The following BLNK variants were observed in gnomAD, a reference collection of about 807,000 sequenced individuals.
BLNK encodes the protein B cell linker, also known as B-cell linker protein.
A neutral mutation model predicts 73.5 loss-of-function variants in BLNK; 29 were observed. The observed-to-expected ratio is 0.39, with a 90% CI of 0.29 to 0.54. BLNK has a LOEUF of 0.54. BLNK is among the 20% of genes least tolerant of loss of function. The pLI, the probability that BLNK is intolerant of heterozygous loss-of-function variation, is 0.61. For synonymous variants in BLNK, 176 were observed against 200.8 expected (o/e 0.88, Z 1.04); for missense variants, 460 against 562.8 (o/e 0.82, Z 1.85).
chr10:96,220,427 T>C (rs1324334018), intron 6 of BLNK, among the ~76,000 whole-genome samples: 1 of 152,264 alleles, frequency 6.6e-6, no homozygotes, highest in African/African-American at 2.4e-5. Flanking sequence ...CAACAAATTC[T>C]GTTTGTAGTG....
intron 6 of BLNK, among the ~76,000 whole-genome samples, chr10:96,219,139 A>C (rs966247800): frequency 7.2e-5 from 11 of 152,206 alleles, no homozygotes; most frequent in Non-Finnish European, 1.0e-4. Flanking sequence ...TCAAACTATG[A>C]ACTCCCGAAG....
Position 96,215,440 on chromosome 10 carries a change from C to G in BLNK, c.608-51G>C, listed in dbSNP as rs372039063. On this transcript the variant is annotated intron_variant, in intron 7 of 16. Coordinates refer to ENST00000224337, the MANE Select transcript of BLNK (RefSeq NM_013314.4). The stretch of plus-strand genomic sequence containing the variant: ...ATATATATATATATATACATAAAAC[C>G]ATTACAGATACATGCCATTGAGGAA... 6.5e-4 allele frequency: 970 copies of G among 1,494,312 alleles called. 4 individuals are homozygous for G. The highest frequency in any genetic ancestry group is 3.1e-3 in the Middle Eastern group (13 of 4,224). The allele number at this position is 1,494,312 out of a possible 1,614,324, so 92.6% of individuals were successfully genotyped here.
At chr10:96,269,433 AAC>A (rs1844171042) in intron 1 of BLNK, among the ~76,000 whole-genome samples, 1 of 152,086 alleles carries the variant, frequency 6.6e-6, no homozygotes, top group African/African-American at 2.4e-5. Context: ...AAAAAAAAAA[AAC>A]ATTTGGAATC....
chr10:96,254,893 T>G (rs1376868752), intron 1 of BLNK, among the ~76,000 whole-genome samples: 1 of 152,130 alleles, frequency 6.6e-6, no homozygotes, highest in Non-Finnish European at 1.5e-5. Context: ...GATGAAAAGG[T>G]AGGTTAAAGA....
At chr10:96,209,282 G>C (rs2083892963) in intron 9 of BLNK, among the ~76,000 whole-genome samples, 1 of 152,202 alleles carries the variant, frequency 6.6e-6, no homozygotes, top group Non-Finnish European at 1.5e-5. Flanking sequence ...TCAGGTGCTG[G>C]AGCTTCTGAA....
chr10:96,210,193 G>A (rs2083915086), intron 8 of BLNK: 2 of 442,244 alleles, frequency 4.5e-6, no homozygotes, highest in Non-Finnish European at 8.4e-6. Context: ...CTGCCCCATG[G>A]GGCAAGTCCT....
At chr10:96,256,561 A>T (rs1204239106) in intron 1 of BLNK, among the ~76,000 whole-genome samples, 5 of 152,078 alleles carry the variant, frequency 3.3e-5, no homozygotes, top group African/African-American at 1.2e-4. Flanking sequence ...CAGCTATATG[A>T]TAGAAAATTG....
At position 96,247,028 on chromosome 10, in the gene BLNK, A is replaced by G. The variant is rs782120526; in HGVS notation, c.69T>C (p.His23=). The part of the protein sequence containing the change: ...QKLRQLQKMV[H]DIKNNEGGIM... ...TTCCACCTTCATTGTTTTTAATATC[A>G]TGGACCATCTTTTGAAGCTGCCTGT... Residue 23 remains histidine, a synonymous_variant, in exon 2 of 17, where the codon CAT becomes CAC. Coordinates refer to ENST00000224337, the MANE Select transcript of BLNK (RefSeq NM_013314.4). 5.6e-6 allele frequency: 9 copies of G among 1,606,108 alleles called. No homozygotes were observed. The highest frequency in any genetic ancestry group is 4.5e-5 in the East Asian group (2 of 44,734).
intron 1 of BLNK, among the ~76,000 whole-genome samples, chr10:96,267,132 A>C (rs781816673): frequency 2.7e-4 from 41 of 152,224 alleles, no homozygotes; most frequent in Non-Finnish European, 2.9e-4. Context: ...GTAGCCTTTG[A>C]GAATGTAACA....
chr10:96,206,898 TGA>T, intron 11 of BLNK, 111 bp downstream of exon 11: 1 of 1,151,884 alleles, frequency 8.7e-7, no homozygotes, highest in Non-Finnish European at 1.3e-6. Flanking sequence ...TTTAGAAAAT[TGA>T]GTTTCATGTT....
At chr10:96,204,423 G>T in intron 12 of BLNK, 109 bp downstream of exon 12, 2 of 1,248,316 alleles carry the variant, frequency 1.6e-6, no homozygotes, top group Non-Finnish European at 2.4e-6. Context: ...ATGAAATGTT[G>T]GATTTTTACC....
intron 2 of BLNK, among the ~76,000 whole-genome samples, chr10:96,246,567 AC>A (rs1843053635): frequency 6.6e-6 from 1 of 152,234 alleles, no homozygotes; most frequent in East Asian, 1.9e-4. Context: ...AAACAAAAAA[AC>A]AAAATCAAAA....
chr10:96,269,832 C>A (rs1844192783), intron 1 of BLNK, among the ~76,000 whole-genome samples: 1 of 152,128 alleles, frequency 6.6e-6, no homozygotes, highest in Non-Finnish European at 1.5e-5. Context: ...CCTCACTATC[C>A]CACAAATGGA....
At chr10:96,203,946 C>A (rs1463919010) in intron 13 of BLNK, 111 bp downstream of exon 13, 5 of 819,646 alleles carry the variant, frequency 6.1e-6, no homozygotes, top group Non-Finnish European at 1.0e-5. Context: ...GAGAAGATGC[C>A]AGGATAACGC....
intron 1 of BLNK, among the ~76,000 whole-genome samples, chr10:96,255,860 G>A (rs782091535): frequency 6.6e-6 from 1 of 152,130 alleles, no homozygotes; most frequent in Non-Finnish European, 1.5e-5. Context: ...GGATTTCAAC[G>A]ATCACTCCTT....
intron 8 of BLNK, among the ~76,000 whole-genome samples, chr10:96,214,184 G>A (rs1379234994): frequency 6.6e-6 from 1 of 152,156 alleles, no homozygotes; most frequent in Non-Finnish European, 1.5e-5. Flanking sequence ...CTAGGGGAGA[G>A]GGACAAGGGG....
At chr10:96,221,717 G>A (rs2084200795) in intron 6 of BLNK, among the ~76,000 whole-genome samples, 1 of 152,192 alleles carries the variant, frequency 6.6e-6, no homozygotes, top group Non-Finnish European at 1.5e-5. Context: ...ATTGCCAAAT[G>A]CTGAAATAAT....
rs587670976 is a variant in BLNK at position 96,237,240 on chromosome 10, A to G, written c.163+5495T>C. ...GAGCACCAGGCCCATGACAAAAGCA[A>G]TGTTAAATCTCACTTCTTTAGTGGA... On this transcript the variant is annotated intron_variant, in intron 3 of 16. Transcript: ENST00000224337. Among the ~76,000 whole-genome samples the G allele has an allele frequency of 5.3e-5, 8 of 152,340 alleles. No homozygotes were observed. The South Asian group carries it at 1.7e-3, about 32-fold the overall frequency.
At chr10:96,266,826 C>G (rs1471077127) in intron 1 of BLNK, among the ~76,000 whole-genome samples, 4 of 152,204 alleles carry the variant, frequency 2.6e-5, no homozygotes, top group African/African-American at 9.6e-5. Context: ...AAATGCCACT[C>G]AGCTTGGGTG....
Sources: allele counts gnomAD v4.1 joint callset (sites outside exome capture counted in the v4.1 genomes callset), GRCh38; gene constraint gnomAD v4.1.1; transcripts MANE v1.5; gene names NCBI Gene and HGNC (gene_info 2026-07-23, HGNC 2026-07-21).